The following HECW1 variants were observed in gnomAD, a reference collection of about 807,000 sequenced individuals.
HECW1 encodes the protein HECT, C2 and WW domain containing E3 ubiquitin protein ligase 1.
A neutral mutation model predicts 182.3 loss-of-function variants in HECW1; 61 were observed. That is an observed-to-expected ratio of 0.33 (90% CI 0.27 to 0.41). The LOEUF (loss-of-function observed/expected upper bound fraction) is 0.41. Among genes scored for constraint, HECW1 ranks in the 10% least tolerant of loss-of-function variants. HECW1 has a pLI of 1.00. For synonymous variants in HECW1, 859 were observed against 832.6 expected (o/e 1.03, Z -0.55); for missense variants, 1,739 against 2,108.9 (o/e 0.82, Z 3.44).
chr7:43,279,728 AT>A lies in HECW1; in HGVS notation c.28-32028del, dbSNP rs1390382682. Among the ~76,000 whole-genome samples the A allele has an allele frequency of 4.6e-5, 7 of 151,568 alleles. No homozygotes were observed. The South Asian group carries it at 1.3e-3, about 27-fold the overall frequency. ...CACCTTGATTCTCTTATGGCACCTGATTTTTTTCCTTCATGGGGTATAGTAA... is the reference window on the plus strand; with the variant it reads ...CACCTTGATTCTCTTATGGCACCTGATTTTTTCCTTCATGGGGTATAGTAA... On this transcript the variant is annotated intron_variant, in intron 3 of 29. Coordinates refer to ENST00000395891, the MANE Select transcript of HECW1 (RefSeq NM_015052.5).
At chr7:43,245,439 T>C (rs59645954) in intron 3 of HECW1, 7,485 of 152,302 alleles carry the variant, frequency 0.049, 358 homozygotes, top group African/African-American at 0.12. Flanking sequence ...TCTGAGTGCA[T>C]TTCACATTCA....
chr7:43,173,675 C>T lies in HECW1; in HGVS notation c.-32+59284C>T, dbSNP rs920952407. ...GCCACTGATCTGACAGGAGGCAGAG[C>T]TCAGGCAGTAATGCTTTCTCACCTG... On this transcript the variant is annotated intron_variant, in intron 2 of 29. Coordinates refer to ENST00000395891, the MANE Select transcript of HECW1 (RefSeq NM_015052.5). Among the ~76,000 whole-genome samples the T allele has an allele frequency of 1.9e-4, 29 of 152,268 alleles. No homozygotes were observed. The Middle Eastern group carries it at 0.014, about 71-fold the overall frequency.
rs1009281431 is a variant in HECW1 at position 43,444,247 on chromosome 7, C to G, written c.1075C>G (p.Pro359Ala). Residue 359 changes from proline to alanine, a missense_variant, in exon 11 of 30, where the codon CCT (proline) becomes GCT (alanine). By Grantham distance (27) the Pro-to-Ala change is conservative (BLOSUM62 -1). Around this residue, in one of 5 missense-constraint regions of HECW1, gnomAD observed 66 missense variants for 113.8 expected, o/e 0.58. Coordinates refer to ENST00000395891, the MANE Select transcript of HECW1 (RefSeq NM_015052.5). This position sits in a 1 kb window ranked among gnomAD's most constrained non-coding sequence, Gnocchi z 4.3. ...DDEEISLSTE[P>A]ESAQIQDSPM... The stretch of plus-strand genomic sequence containing the variant: ...TGAGGAGATTTCCCTGAGTACCGAG[C>G]CTGAGTCAGCCCAAATTCAGGACAG... The G allele has an allele frequency of 1.2e-6, 2 of 1,610,552 alleles. No individual in the cohort carries two copies. The highest frequency in any genetic ancestry group is 1.7e-6 in the Non-Finnish European group (2 of 1,177,160).
intron 2 of HECW1, among the ~76,000 whole-genome samples, chr7:43,225,414 C>G (rs1407735031): frequency 6.6e-6 from 1 of 152,108 alleles, no homozygotes; most frequent in East Asian, 1.9e-4. Context: ...TGTGCATACC[C>G]TGGGGAAACC....
chr7:43,411,172 T>G lies in HECW1; in HGVS notation c.801+3441T>G, dbSNP rs765691342. On this transcript the variant is annotated intron_variant, in intron 8 of 29. Transcript: ENST00000395891. ...CTCTGTTTTAACTGCATTTTATAAATTTGTATATAATTTATACTTTTATTA... is the reference window on the plus strand; with the variant it reads ...CTCTGTTTTAACTGCATTTTATAAAGTTGTATATAATTTATACTTTTATTA... 5.3e-5 allele frequency among the ~76,000 whole-genome samples: 8 copies of G among 152,074 alleles called. 2 individuals are homozygous for G. Among genetic ancestry groups the G allele is most frequent in the Middle Eastern group, 6.3e-3 (2 of 316 alleles).
At chr7:43,292,223 G>A (rs1365086195) in intron 3 of HECW1, among the ~76,000 whole-genome samples, 2 of 152,172 alleles carry the variant, frequency 1.3e-5, no homozygotes, top group Non-Finnish European at 2.9e-5. Context: ...CATATCTTAG[G>A]ATAATGTGTC....
Position 43,156,322 on chromosome 7 carries a change from A to G in HECW1, c.-32+41931A>G, listed in dbSNP as rs535102687. On this transcript the variant is annotated intron_variant, in intron 2 of 29. Coordinates refer to ENST00000395891, the MANE Select transcript of HECW1 (RefSeq NM_015052.5). ...GCCCCCAGTAGGTGTTCACTGAATT[A>G]AGTGAATGAATTATGGGGTGTGCCC... is the stretch of plus-strand genomic sequence containing the variant. Among the ~76,000 whole-genome samples, 100 of 152,310 alleles carry G rather than the reference A, an allele frequency of 6.6e-4. No individual in the cohort carries two copies. The South Asian group carries it at 7.0e-3, about 11-fold the overall frequency.
intron 2 of HECW1, among the ~76,000 whole-genome samples, chr7:43,117,427 C>G (rs193199377): frequency 1.3e-5 from 2 of 151,936 alleles, no homozygotes; most frequent in African/African-American, 4.8e-5. Context: ...TGCCACCCCC[C>G]ACCCGCCCCA....
intron 2 of HECW1, among the ~76,000 whole-genome samples, chr7:43,166,029 T>A (rs773613943): frequency 1.3e-5 from 2 of 152,222 alleles, no homozygotes; most frequent in Non-Finnish European, 2.9e-5. Flanking sequence ...CAAAGATGAA[T>A]TGGACATGGT....
chr7:43,330,702 T>G (rs1051818225), intron 5 of HECW1, among the ~76,000 whole-genome samples: 2 of 151,346 alleles, frequency 1.3e-5, no homozygotes, highest in African/African-American at 2.4e-5. Context: ...GTTCGAGGAG[T>G]TGGTGAGAAA....
chr7:43,445,671 C>T (rs2077033455), intron 11 of HECW1, 101 bp downstream of exon 11: 2 of 1,408,824 alleles, frequency 1.4e-6, no homozygotes, highest in Non-Finnish European at 1.9e-6. Flanking sequence ...CGGTGTCAAA[C>T]GGGGTTGCTG....
intron 2 of HECW1, among the ~76,000 whole-genome samples, chr7:43,134,815 A>T (rs17795651): frequency 6.6e-6 from 1 of 151,992 alleles, no homozygotes; most frequent in African/African-American, 2.4e-5. Context: ...ATATTATTCT[A>T]CCTTTGGTGA....
At chr7:43,117,803 C>T (rs1785190439) in intron 2 of HECW1, 1 of 152,252 alleles carries the variant, frequency 6.6e-6, no homozygotes, top group South Asian at 2.1e-4. Context: ...AATGCAATTA[C>T]TTACTGGCAA....
At chr7:43,469,154 A>T in intron 16 of HECW1, 49 bp downstream of exon 16, 1 of 1,577,530 alleles carries the variant, frequency 6.3e-7, no homozygotes, top group Non-Finnish European at 8.7e-7. Context: ...CTCCTTCCCC[A>T]GGGTGAAGCT....
At chr7:43,133,944 G>T (rs1446450199) in intron 2 of HECW1, among the ~76,000 whole-genome samples, 1 of 152,132 alleles carries the variant, frequency 6.6e-6, no homozygotes, top group Non-Finnish European at 1.5e-5. Context: ...TTTAGCTTAA[G>T]AATTCTTCTC....
At chr7:43,379,345 C>A (rs891475545) in intron 6 of HECW1, among the ~76,000 whole-genome samples, 1 of 152,206 alleles carries the variant, frequency 6.6e-6, no homozygotes, top group East Asian at 1.9e-4. Flanking sequence ...CCTGCACACA[C>A]ACTCCCATGC....
intron 3 of HECW1, among the ~76,000 whole-genome samples, chr7:43,290,007 C>T (rs774407723): frequency 7.2e-5 from 11 of 152,144 alleles, no homozygotes; most frequent in Non-Finnish European, 1.3e-4. Flanking sequence ...GAGGCCAAGG[C>T]CTTTGTTATG....
chr7:43,280,328 C>T (rs997675319), intron 3 of HECW1, among the ~76,000 whole-genome samples: 6 of 152,078 alleles, frequency 3.9e-5, no homozygotes, highest in Non-Finnish European at 7.4e-5. Context: ...TGACCTTACC[C>T]GTCCAGTGTC....
chr7:43,165,397 CGG>C (rs11451295), intron 2 of HECW1, among the ~76,000 whole-genome samples: 1 of 137,102 alleles, frequency 7.3e-6, no homozygotes, highest in Non-Finnish European at 1.6e-5. Flanking sequence ...GGGCTTTTGG[CGG>C]GGGGGGGTGT....
Sources: allele counts gnomAD v4.1 joint callset (sites outside exome capture counted in the v4.1 genomes callset), GRCh38; gene constraint gnomAD v4.1.1; regional missense constraint gnomAD v4.1.1; non-coding constraint Gnocchi (gnomAD v3.1); transcripts MANE v1.5; gene names NCBI Gene and HGNC (gene_info 2026-07-23, HGNC 2026-07-21).